The following PALM2AKAP2 variants were observed in gnomAD, a reference collection of about 807,000 sequenced individuals.
PALM2AKAP2 encodes PALM2-AKAP2 fusion protein.
PALM2AKAP2 carries 37 observed loss-of-function variants against 71.5 expected under a neutral mutation model. That is an observed-to-expected ratio of 0.52 (90% CI 0.40 to 0.68). The LOEUF (loss-of-function observed/expected upper bound fraction) is 0.68. Among genes scored for constraint, PALM2AKAP2 ranks in the 30% least tolerant of loss-of-function variants. The pLI, the probability that PALM2AKAP2 is intolerant of heterozygous loss-of-function variation, is 0.00. For missense variants in PALM2AKAP2, 1,224 were observed against 1,191.8 expected, an observed-to-expected ratio of 1.03 and a Z score of -0.40; for synonymous variants, 468 against 478.8, an observed-to-expected ratio of 0.98 and a Z score of 0.29.
At chr9:109,766,994 T>G (rs766506390) in intron 1 of PALM2AKAP2, among the ~76,000 whole-genome samples, 3 of 150,526 alleles carry the variant, frequency 2.0e-5, no homozygotes, top group Admixed American at 6.6e-5. Flanking sequence ...GCTTAGTACC[T>G]GCCAGACACT....
chr9:109,743,381 C>T lies in PALM2AKAP2; in HGVS notation c.6-37107C>T, dbSNP rs1282164028. The stretch of plus-strand genomic sequence containing the variant: ...TGACGGTTAGGAGCAATACCCCACC[C>T]GTGCAGAGCTGCATTAGAATTTAGA... On this transcript the variant is annotated intron_variant, in intron 1 of 6. Transcript: ENST00000374531. 3.9e-5 allele frequency among the ~76,000 whole-genome samples: 6 copies of T among 152,130 alleles called. No individual in the cohort carries two copies. The South Asian group carries it at 8.3e-4, about 21-fold the overall frequency.
At chr9:109,862,887 C>G (rs1180951537) in intron 1 of PALM2AKAP2, 1 of 513,254 alleles carries the variant, frequency 1.9e-6, no homozygotes, top group African/African-American at 1.9e-5. Context: ...AGGACATGAA[C>G]CAGCCGGGAA....
chr9:109,956,737 TAGAG>T (rs1399110103), intron 6 of PALM2AKAP2, among the ~76,000 whole-genome samples: 1 of 152,194 alleles, frequency 6.6e-6, no homozygotes, highest in Admixed American at 6.5e-5. Flanking sequence ...ATAGCCAGGT[TAGAG>T]AGGTGTCAAA....
At chr9:109,752,089 G>C (rs899916364) in intron 1 of PALM2AKAP2, among the ~76,000 whole-genome samples, 8 of 152,184 alleles carry the variant, frequency 5.3e-5, no homozygotes, top group African/African-American at 1.9e-4. Context: ...ACTATGTATT[G>C]CTAGGTCTGT....
intron 7 of PALM2AKAP2, among the ~76,000 whole-genome samples, chr9:110,035,386 T>TAC (rs1564271400): frequency 6.9e-6 from 1 of 145,780 alleles, no homozygotes; most frequent in African/African-American, 2.5e-5. Flanking sequence ...ATATATTATA[T>TAC]GTATAATACA....
intron 6 of PALM2AKAP2, among the ~76,000 whole-genome samples, chr9:109,934,525 G>A (rs1029599310): frequency 1.3e-5 from 2 of 151,928 alleles, no homozygotes; most frequent in Non-Finnish European, 2.9e-5. Flanking sequence ...GACACCCTCC[G>A]CCATCCCTGT....
intron 1 of PALM2AKAP2, among the ~76,000 whole-genome samples, chr9:109,695,822 C>T (rs9969689): frequency 0.17 from 26,561 of 151,872 alleles, 2,418 homozygotes; most frequent in East Asian, 0.28. Context: ...GAGCTAAAAC[C>T]GTAGATCTCA....
At chr9:109,771,598 A>G (rs965103463) in intron 1 of PALM2AKAP2, among the ~76,000 whole-genome samples, 2 of 152,224 alleles carry the variant, frequency 1.3e-5, no homozygotes, top group South Asian at 2.1e-4. Context: ...GAAATTGACT[A>G]CCTGTTCTAC....
chr9:110,077,318 T>C (rs146911386), intron 1 of PALM2AKAP2, among the ~76,000 whole-genome samples: 60 of 152,306 alleles, frequency 3.9e-4, no homozygotes, highest in African/African-American at 1.4e-3. Flanking sequence ...ACTTGGCACA[T>C]TGCAAGTACA....
At chr9:109,665,058 A>T (rs1332817822) in intron 1 of PALM2AKAP2, among the ~76,000 whole-genome samples, 1 of 152,078 alleles carries the variant, frequency 6.6e-6, no homozygotes, top group African/African-American at 2.4e-5. Flanking sequence ...TCTTCTCTAC[A>T]GTGTTTGTTC....
intron 6 of PALM2AKAP2, among the ~76,000 whole-genome samples, chr9:109,934,315 A>G (rs1330697772): frequency 6.6e-6 from 1 of 152,144 alleles, no homozygotes; most frequent in Non-Finnish European, 1.5e-5. Context: ...TGGAGCCATC[A>G]TTTGTCTGCC....
intron 1 of PALM2AKAP2, among the ~76,000 whole-genome samples, chr9:109,658,522 C>A (rs1479648032): frequency 1.3e-5 from 2 of 152,092 alleles, no homozygotes; most frequent in African/African-American, 4.8e-5. Flanking sequence ...AAACTCTTAG[C>A]AAACTAGAAA....
At chr9:109,992,915 C>A (rs1446231624) in intron 6 of PALM2AKAP2, among the ~76,000 whole-genome samples, 2 of 148,260 alleles carry the variant, frequency 1.3e-5, no homozygotes, top group Non-Finnish European at 1.5e-5. Context: ...GAGTTTCAAT[C>A]TTTTCTTTTA....
chr9:109,678,804 A>G (rs1827685130), intron 1 of PALM2AKAP2, among the ~76,000 whole-genome samples: 1 of 152,182 alleles, frequency 6.6e-6, no homozygotes, highest in South Asian at 2.1e-4. Context: ...GGGCTTGATA[A>G]GTGTAATGGA....
At chr9:109,688,853 A>G (rs1254917652) in intron 1 of PALM2AKAP2, among the ~76,000 whole-genome samples, 1 of 152,216 alleles carries the variant, frequency 6.6e-6, no homozygotes, top group Non-Finnish European at 1.5e-5. Flanking sequence ...TAGAGAAGAT[A>G]ATAGAAGGTT....
At chr9:110,093,050 G>A (rs944192776) in intron 1 of PALM2AKAP2, among the ~76,000 whole-genome samples, 3 of 152,196 alleles carry the variant, frequency 2.0e-5, no homozygotes, top group Non-Finnish European at 2.9e-5. Context: ...TGAAGGTAGA[G>A]AGTGGCAGAA....
At chr9:110,110,916 T>C (rs772626699) in intron 1 of PALM2AKAP2, among the ~76,000 whole-genome samples, 2 of 152,050 alleles carry the variant, frequency 1.3e-5, no homozygotes, top group Non-Finnish European at 2.9e-5. Flanking sequence ...GAGAGTTAGA[T>C]CTATGAATCT....
intron 6 of PALM2AKAP2, chr9:109,945,064 G>A (rs1384865972): frequency 1.3e-5 from 2 of 152,060 alleles, no homozygotes; most frequent in African/African-American, 4.8e-5. Context: ...TATAGAAGCT[G>A]TCTAATTTGA....
intron 2 of PALM2AKAP2, among the ~76,000 whole-genome samples, chr9:110,146,120 A>G (rs370981849): frequency 2.4e-4 from 37 of 151,640 alleles, no homozygotes; most frequent in Non-Finnish European, 4.4e-4. Context: ...GGATGGTCTC[A>G]ATCTCCTGAC....
Sources: allele counts gnomAD v4.1 joint callset (sites outside exome capture counted in the v4.1 genomes callset), GRCh38; gene constraint gnomAD v4.1.1; transcripts MANE v1.5; gene names NCBI Gene and HGNC (gene_info 2026-07-23, HGNC 2026-07-21).